Variants in MYO3B observed in about 807,000 individuals in gnomAD.
MYO3B encodes the protein myosin-IIIb.
A neutral mutation model predicts 174.6 loss-of-function variants in MYO3B; 156 were observed. The ratio of observed to expected loss-of-function variants is 0.89; its 90% confidence interval spans 0.78 to 1.02. MYO3B has a LOEUF of 1.02. Ranked by LOEUF, MYO3B falls within the 50% of genes least tolerant of loss-of-function variation. MYO3B has a pLI of 0.00. For synonymous variants in MYO3B, 563 were observed against 569.1 expected (o/e 0.99, Z 0.15); for missense variants, 1,632 against 1,639.4 (o/e 1.00, Z 0.08).
chr2:170,453,169 T>C (rs1683696796), intron 23 of MYO3B, among the ~76,000 whole-genome samples: 1 of 152,012 alleles, frequency 6.6e-6, no homozygotes, highest in Non-Finnish European at 1.5e-5. Flanking sequence ...CCGGTATTGG[T>C]TTCAGGGGCC....
At chr2:170,453,379 C>T (rs1000040491) in intron 23 of MYO3B, among the ~76,000 whole-genome samples, 1 of 146,906 alleles carries the variant, frequency 6.8e-6, no homozygotes, top group Non-Finnish European at 1.5e-5. Context: ...CATACCTTTG[C>T]AGAAGAGACT....
intron 6 of MYO3B, among the ~76,000 whole-genome samples, chr2:170,218,409 G>A (rs1230568273): frequency 6.6e-6 from 1 of 151,710 alleles, no homozygotes. Flanking sequence ...AAACCAAAAG[G>A]AAAAAAATGT....
chr2:170,242,782 CTG>C (rs1005705516), intron 7 of MYO3B, among the ~76,000 whole-genome samples: 1 of 152,190 alleles, frequency 6.6e-6, no homozygotes, highest in African/African-American at 2.4e-5. Context: ...GCACAACTGA[CTG>C]TGGCTAATTC....
At position 170,292,887 on chromosome 2, in the gene MYO3B, T is replaced by A. The variant is rs577311645; in HGVS notation, c.750-42498T>A. 5.9e-5 allele frequency among the ~76,000 whole-genome samples: 9 copies of A among 152,306 alleles called. No individual in the cohort carries two copies. In the East Asian group the frequency reaches 1.5e-3, roughly 26 times the overall value. ...ACCTTTGTCTTTGCAGGCAGTATGA[T>A]GCTTCCAGTGGGTAGAGGCAAGTAC... is the stretch of plus-strand genomic sequence containing the variant. On this transcript the variant is annotated intron_variant, in intron 7 of 34. Transcript: ENST00000408978.
intron 22 of MYO3B, chr2:170,412,426 G>T (rs2094551877): frequency 3.3e-5 from 5 of 152,188 alleles, no homozygotes. Context: ...TCAGAACCTA[G>T]AACTGAGTTT....
rs549259295 is a variant in MYO3B, at chr2:170,536,860, C to A, written c.3576-6046C>A. Among the ~76,000 whole-genome samples the A allele has an allele frequency of 4.6e-5, 7 of 152,144 alleles. No individual in the cohort carries two copies. The East Asian group carries it at 1.2e-3, about 25-fold the overall frequency. On this transcript the variant is annotated intron_variant, in intron 30 of 34. Coordinates refer to ENST00000408978, the MANE Select transcript of MYO3B (RefSeq NM_138995.5). ...AATGAAAGTTATATGACTTGTTTAT[C>A]TGAAACTTGCCTCCCTCAAGATTCT... is the stretch of plus-strand genomic sequence containing the variant.
intron 1 of MYO3B, among the ~76,000 whole-genome samples, chr2:170,189,988 A>C (rs1426390875): frequency 6.6e-6 from 1 of 152,168 alleles, no homozygotes; most frequent in Non-Finnish European, 1.5e-5. Flanking sequence ...AAGGCTTTCC[A>C]GGTATTCAAA....
intron 8 of MYO3B, among the ~76,000 whole-genome samples, chr2:170,339,227 C>T (rs2093963245): frequency 6.6e-6 from 1 of 152,126 alleles, no homozygotes; most frequent in African/African-American, 2.4e-5. Context: ...TTTCTTTTAA[C>T]CTGAATTATA....
At chr2:170,274,857 C>A (rs1422989840) in intron 7 of MYO3B, among the ~76,000 whole-genome samples, 2 of 152,076 alleles carry the variant, frequency 1.3e-5, no homozygotes, top group Admixed American at 6.5e-5. Context: ...ATTTCCTAAT[C>A]AAAAATCTTT....
At chr2:170,590,274 G>A (rs551932507) in intron 32 of MYO3B, among the ~76,000 whole-genome samples, 2 of 152,210 alleles carry the variant, frequency 1.3e-5, no homozygotes, top group South Asian at 2.1e-4. Flanking sequence ...ATGGGTAAAA[G>A]GACAAAGATT....
chr2:170,251,414 C>T (rs1169545558), intron 7 of MYO3B, among the ~76,000 whole-genome samples: 5 of 152,030 alleles, frequency 3.3e-5, no homozygotes, highest in Admixed American at 6.6e-5. Flanking sequence ...TAGGTTGAAT[C>T]GTGTTTCTCA....
intron 7 of MYO3B, 124 bp from the exon 8 acceptor site, chr2:170,335,261 C>G (rs2093939302): frequency 1.4e-6 from 1 of 728,846 alleles, no homozygotes; most frequent in South Asian, 1.9e-5. Context: ...TAAAAAATGA[C>G]TCTCATATGA....
chr2:170,251,355 C>G (rs1436126389), intron 7 of MYO3B, among the ~76,000 whole-genome samples: 1 of 152,044 alleles, frequency 6.6e-6, no homozygotes, highest in East Asian at 1.9e-4. Context: ...GATCTGCATT[C>G]AATCAAGATT....
At chr2:170,272,690 G>GGGGCAT (rs2093434161) in intron 7 of MYO3B, among the ~76,000 whole-genome samples, 2 of 152,216 alleles carry the variant, frequency 1.3e-5, no homozygotes, top group African/African-American at 4.8e-5. Context: ...AATGAGAGGT[G>GGGGCAT]ACTGGACCAT....
chr2:170,570,930 T>A (rs558173889), intron 32 of MYO3B, among the ~76,000 whole-genome samples: 2 of 152,316 alleles, frequency 1.3e-5, no homozygotes, highest in South Asian at 4.1e-4. Flanking sequence ...GAACTCAATC[T>A]CTGTGAAACG....
intron 22 of MYO3B, among the ~76,000 whole-genome samples, chr2:170,435,931 C>A (rs900577763): frequency 6.6e-6 from 1 of 152,200 alleles, no homozygotes; most frequent in East Asian, 1.9e-4. Context: ...CTACAGGTGA[C>A]ACCCTGGGTT....
rs200504889 is a variant in MYO3B, at chr2:170,335,484, A to G, written c.815+34A>G. On this transcript the variant is annotated intron_variant, in intron 8 of 34. Coordinates refer to ENST00000408978, the MANE Select transcript of MYO3B (RefSeq NM_138995.5). The stretch of plus-strand genomic sequence containing the variant: ...TTCTTCCACTAAAAATTGCCCATCT[A>G]GCAAGGCCTTGAGCAGTGATTGGAG... The G allele has an allele frequency of 2.5e-4, 390 of 1,536,020 alleles. 2 individuals are homozygous for G. The African/African-American group carries it at 4.5e-3, about 18-fold the overall frequency.
chr2:170,537,235 T>G (rs1689769136), intron 30 of MYO3B, among the ~76,000 whole-genome samples: 1 of 147,588 alleles, frequency 6.8e-6, no homozygotes, highest in Non-Finnish European at 1.5e-5. Context: ...AAAAGTATCC[T>G]GGTCTCAGGA....
intron 16 of MYO3B, among the ~76,000 whole-genome samples, chr2:170,395,567 C>T (rs980777322): frequency 6.6e-6 from 1 of 152,036 alleles, no homozygotes; most frequent in Non-Finnish European, 1.5e-5. Flanking sequence ...AAATATGACT[C>T]GGGAGTCTTG....
Sources: allele counts gnomAD v4.1 joint callset (sites outside exome capture counted in the v4.1 genomes callset), GRCh38; gene constraint gnomAD v4.1.1; transcripts MANE v1.5; gene names NCBI Gene and HGNC (gene_info 2026-07-23, HGNC 2026-07-21).